SV2C: variants seen among roughly 807,000 people sequenced by gnomAD.
The protein encoded by SV2C is synaptic vesicle glycoprotein 2C.
In SV2C, 49 loss-of-function variants were observed where a neutral mutation model predicts 79.7. The ratio of observed to expected loss-of-function variants is 0.61; its 90% CI spans 0.49 to 0.78. The LOEUF is 0.78. SV2C is among the 30% of genes least tolerant of loss of function. The pLI, the probability that SV2C is intolerant of heterozygous loss-of-function variation, is 0.00. For missense variants in SV2C, 833 were observed against 912.9 expected, an observed-to-expected ratio of 0.91 and a Z score of 1.13; for synonymous variants, 334 against 333.2, an observed-to-expected ratio of 1.00 and a Z score of -0.03.
the SV2C span, among the ~76,000 whole-genome samples, chr5:76,003,180 C>T: frequency 2.0e-5 from 3 of 152,162 alleles, no homozygotes; most frequent in African/African-American, 7.2e-5. Flanking sequence ...TTTCTGAGGC[C>T]TCCCCAGCCA....
the SV2C span, among the ~76,000 whole-genome samples, chr5:76,000,652 T>G: frequency 6.6e-6 from 1 of 152,206 alleles, no homozygotes; most frequent in African/African-American, 2.4e-5. Flanking sequence ...TATTTTCAGC[T>G]GGTTACGTTA....
chr5:75,900,653 G>A, the SV2C span, among the ~76,000 whole-genome samples: 1,547 of 152,296 alleles, frequency 0.01, 14 homozygotes, highest in Non-Finnish European at 0.014. Context: ...ATATCCTGCA[G>A]AGTGTTTTCC....
chr5:76,221,476 C>T (rs567914370), intron 4 of SV2C, among the ~76,000 whole-genome samples: 1 of 152,304 alleles, frequency 6.6e-6, no homozygotes, highest in African/African-American at 2.4e-5. Context: ...CTTAGGGGTG[C>T]CGCCTGCTGT....
At chr5:75,903,680 G>A in the SV2C span, among the ~76,000 whole-genome samples, 1 of 152,142 alleles carries the variant, frequency 6.6e-6, no homozygotes, top group Non-Finnish European at 1.5e-5. Context: ...TGTTCTCACA[G>A]CTCAGATTAT....
In SV2C at chr5:76,325,366, C is replaced by T. The variant is rs1231773251; in HGVS notation, c.2003C>T (p.Ala668Val). 1 of 1,613,974 alleles carries T rather than the reference C, an allele frequency of 6.2e-7. No homozygotes were observed. Among genetic ancestry groups the T allele is most frequent in the African/African-American group, 1.3e-5 (1 of 74,918 alleles). ...GTTCATGTCTCTTTCCTTTGCAGGG[C>T]AACAGGCTTTGGCTTCTTAAATGCG... ...TVELYPTDRR[A>V]TGFGFLNALC... Residue 668 changes from alanine to valine, a missense_variant and splice_region_variant, in exon 13 of 13, where the codon GCA becomes GTA. By Grantham distance (64) the Ala-to-Val change is moderately conservative. Transcript: ENST00000502798.
chr5:76,255,310 A>G (rs1746230959), intron 4 of SV2C, among the ~76,000 whole-genome samples: 1 of 152,322 alleles, frequency 6.6e-6, no homozygotes, highest in African/African-American at 2.4e-5. Flanking sequence ...CCAGACTGGA[A>G]TTCACAAACG....
chr5:76,168,586 G>A (rs1482064371), intron 2 of SV2C, among the ~76,000 whole-genome samples: 5 of 152,150 alleles, frequency 3.3e-5, no homozygotes, highest in Admixed American at 6.5e-5. Context: ...TCCGGGCCGC[G>A]CTGCATTTCT....
At chr5:76,059,349 A>G in the SV2C span, among the ~76,000 whole-genome samples, 1 of 152,090 alleles carries the variant, frequency 6.6e-6, no homozygotes, top group Non-Finnish European at 1.5e-5. Context: ...CCCACAGTAG[A>G]ACTTCTTTCA....
the SV2C span, among the ~76,000 whole-genome samples, chr5:75,929,117 A>C: frequency 6.6e-6 from 1 of 151,948 alleles, no homozygotes; most frequent in Non-Finnish European, 1.5e-5. Flanking sequence ...GCCCTGCCTG[A>C]ATCCAATCCT....
At chr5:75,898,978 G>T in the SV2C span, among the ~76,000 whole-genome samples, 1 of 151,822 alleles carries the variant, frequency 6.6e-6, no homozygotes, top group Admixed American at 6.6e-5. Context: ...TATTAGTCTT[G>T]CTAGCGGTCT....
chr5:75,900,197 G>A, the SV2C span, among the ~76,000 whole-genome samples: 2 of 152,174 alleles, frequency 1.3e-5, no homozygotes, highest in African/African-American at 4.8e-5. Flanking sequence ...TGCAGTGGCT[G>A]GTACCAGTTG....
chr5:76,262,499 T>C (rs1425228901), intron 4 of SV2C, among the ~76,000 whole-genome samples: 1 of 152,180 alleles, frequency 6.6e-6, no homozygotes, highest in East Asian at 1.9e-4. Flanking sequence ...CTTGCTTCTC[T>C]AGTTCTTTTA....
the SV2C span, among the ~76,000 whole-genome samples, chr5:75,971,306 T>C: frequency 1.6e-4 from 24 of 152,110 alleles, no homozygotes; most frequent in East Asian, 5.8e-4. Context: ...TTCAACATAG[T>C]GTTGGAAGTT....
the SV2C span, among the ~76,000 whole-genome samples, chr5:76,005,499 C>T: frequency 2.4e-4 from 37 of 152,240 alleles, no homozygotes; most frequent in Non-Finnish European, 3.7e-4. Context: ...TGGAGAACCT[C>T]CCTCTAATAA....
At chr5:75,938,665 G>A in the SV2C span, among the ~76,000 whole-genome samples, 1 of 152,300 alleles carries the variant, frequency 6.6e-6, no homozygotes, top group African/African-American at 2.4e-5. Context: ...GGAAGGGAGT[G>A]TAGCGGGGTC....
chr5:76,128,248 C>G (rs1748773820), intron 1 of SV2C, among the ~76,000 whole-genome samples: 1 of 152,150 alleles, frequency 6.6e-6, no homozygotes, highest in African/African-American at 2.4e-5. Flanking sequence ...TTTTGAAGTA[C>G]AGCCACCATC....
intron 1 of SV2C, among the ~76,000 whole-genome samples, chr5:76,129,431 G>A (rs1042694161): frequency 6.6e-6 from 1 of 152,170 alleles, no homozygotes; most frequent in Admixed American, 6.5e-5. Context: ...GTTTTGTCCT[G>A]GAATTAAAAC....
At chr5:76,052,999 G>A in the SV2C span, among the ~76,000 whole-genome samples, 1 of 151,514 alleles carries the variant, frequency 6.6e-6, no homozygotes, top group African/African-American at 2.4e-5. Flanking sequence ...TAAACCAATG[G>A]AGGAGAGCTT....
At chr5:75,924,833 G>A in the SV2C span, among the ~76,000 whole-genome samples, 2 of 152,166 alleles carry the variant, frequency 1.3e-5, no homozygotes, top group Admixed American at 6.5e-5. Context: ...CAGACTATGT[G>A]TACAATCTAG....
Sources: gnomAD v4.1 joint callset for allele counts (sites outside exome capture counted in the v4.1 genomes callset) on GRCh38, gnomAD v4.1.1 for gene constraint, MANE v1.5 for transcripts, NCBI Gene and HGNC (gene_info 2026-07-23, HGNC 2026-07-21) for gene names.